Variants in SMC1B observed in about 807,000 individuals in gnomAD.
The protein encoded by SMC1B is structural maintenance of chromosomes 1B, also known as structural maintenance of chromosomes protein 1B.
Under a neutral mutation model 157.9 loss-of-function variants are expected in SMC1B, and 60 were observed. The ratio of observed to expected loss-of-function variants is 0.38; its 90% CI spans 0.31 to 0.47. SMC1B has a LOEUF of 0.47. SMC1B is among the 20% of genes least tolerant of loss of function. The pLI is 0.99. For synonymous variants in SMC1B, 445 were observed against 483.0 expected, an observed-to-expected ratio of 0.92 and a Z score of 1.03; for missense variants, 1,165 against 1,426.2, an observed-to-expected ratio of 0.82 and a Z score of 2.95.
At chr22:45,364,497 A>G (rs1426646569) in intron 15 of SMC1B, among the ~76,000 whole-genome samples, 2 of 152,340 alleles carry the variant, frequency 1.3e-5, no homozygotes, top group East Asian at 3.9e-4. Flanking sequence ...TATCATCTTT[A>G]TTTAACAGAT....
At chr22:45,372,819 T>C (rs2086847900) in intron 12 of SMC1B, among the ~76,000 whole-genome samples, 1 of 149,212 alleles carries the variant, frequency 6.7e-6, no homozygotes, top group Admixed American at 6.8e-5. Context: ...TTCACGCCAT[T>C]CTCCTGCCTC....
intron 12 of SMC1B, among the ~76,000 whole-genome samples, chr22:45,377,079 T>C (rs2146804972): frequency 6.6e-6 from 1 of 152,342 alleles, no homozygotes; most frequent in Middle Eastern, 3.4e-3. Flanking sequence ...ATTTCACTTT[T>C]TTTTGTTCAA....
At chr22:45,344,889 G>A (rs2086535326) in intron 24 of SMC1B, among the ~76,000 whole-genome samples, 1 of 152,038 alleles carries the variant, frequency 6.6e-6, no homozygotes, top group Non-Finnish European at 1.5e-5. Context: ...GGCACAGGAA[G>A]GTAAATTTTT....
At chr22:45,368,894 A>G (rs772302090) in intron 15 of SMC1B, among the ~76,000 whole-genome samples, 3 of 152,228 alleles carry the variant, frequency 2.0e-5, no homozygotes, top group Non-Finnish European at 2.9e-5. Flanking sequence ...GTCTGCTGAG[A>G]TAATTCACCT....
At chr22:45,411,831 G>C (rs987719620) in intron 1 of SMC1B, among the ~76,000 whole-genome samples, 7 of 151,710 alleles carry the variant, frequency 4.6e-5, no homozygotes, top group Non-Finnish European at 7.4e-5. Context: ...TGATCTGCCT[G>C]CCTCAGCCTC....
rs184133368 is a variant in SMC1B, at chr22:45,361,291, G to A, written c.2708+548C>T. Among the ~76,000 whole-genome samples, 4 of 152,250 alleles carry A rather than the reference G, an allele frequency of 2.6e-5. No homozygotes were observed. The East Asian group carries it at 7.7e-4, about 29-fold the overall frequency. ...GAATTAGGGTAAGGGACTCTATACA[G>A]GTTCATGTTTTCATCCAACAAAAAG... On this transcript the variant is annotated intron_variant, in intron 17 of 24. Transcript: ENST00000357450.
chr22:45,406,495 C>T lies in SMC1B; in HGVS notation c.580G>A (p.Ala194Thr). ...TCTAATTTTGCTTGTCTGCGCTCTG[C>T]CGCTATATTTTTTTTCTTATTAAAG... Reference protein sequence around the residue: ...FNFNKKKNIAAERRQAKLEKE... With the variant: ...FNFNKKKNIATERRQAKLEKE... Residue 194 changes from alanine (A) to threonine (T), a missense_variant, in exon 4 of 25, where the codon GCA becomes ACA. Ala to Thr is a moderately conservative substitution (Grantham distance 58). Coordinates refer to ENST00000357450, the MANE Select transcript of SMC1B (RefSeq NM_148674.5). 6.2e-7 allele frequency: 1 copy of T among 1,611,970 alleles called. No homozygotes were observed. Among genetic ancestry groups the T allele is most frequent in the Non-Finnish European group, 8.5e-7 (1 of 1,179,756 alleles).
At position 45,413,466 on chromosome 22, in the gene SMC1B, G is replaced by A; in HGVS notation, c.102C>T (p.Asn34=). 1.2e-6 allele frequency: 2 copies of A among 1,607,134 alleles called. No individual in the cohort carries two copies. The highest frequency in any genetic ancestry group is 8.5e-7 in the Non-Finnish European group (1 of 1,176,852). The change falls in exon 1 of 25, where the codon AAC becomes AAT. Residue 34 remains asparagine, a synonymous_variant. Transcript: ENST00000357450. ...FRRFTCIIGP[N]GSGKSNVMDA... is the part of the protein sequence containing the mutation. ...CCTGAGCTGCTCAGTTACCAGAGCC[G>A]TTGGGGCCGATGATGCAGGTGAACC...
chr22:45,362,047 T>A, intron 16 of SMC1B, 63 bp from the exon 17 acceptor site: 1 of 1,501,070 alleles, frequency 6.7e-7, no homozygotes, highest in Non-Finnish European at 9.0e-7. Context: ...TACTTCTATG[T>A]TCTTATCAAT....
intron 19 of SMC1B, among the ~76,000 whole-genome samples, chr22:45,356,396 A>G (rs542849729): frequency 1.4e-3 from 218 of 152,352 alleles, no homozygotes; most frequent in Non-Finnish European, 2.7e-3. Context: ...ATTTTAGAAC[A>G]GCATGTAAAC....
chr22:45,353,906 AAAAAAAAAAAAAAAC>A lies in SMC1B; in HGVS notation c.3273+57_3273+71del, dbSNP rs1306339201. The A allele has an allele frequency of 2.4e-4, 157 of 650,084 alleles. 1 individual carries two copies. The highest frequency in any genetic ancestry group is 2.1e-3 in the East Asian group (49 of 23,516). The allele number at this position is 650,084 out of a possible 1,614,324, so 40.3% of individuals were successfully genotyped here. Reference sequence around the variant, plus strand: ...GTTATTTCCCACCAAAAAAAAAAAAAAAAAAAAAAAAAAACAACCACCACCGGTAACACAGAATTC... The same window carrying A: ...GTTATTTCCCACCAAAAAAAAAAAAAAACCACCACCGGTAACACAGAATTC... On this transcript the variant is annotated intron_variant, in intron 21 of 24. Coordinates refer to ENST00000357450, the MANE Select transcript of SMC1B (RefSeq NM_148674.5).
intron 19 of SMC1B, 136 bp from the exon 20 acceptor site, chr22:45,355,251 G>T: frequency 1.3e-6 from 1 of 774,546 alleles, no homozygotes. Flanking sequence ...CCCTCTCTGA[G>T]CCTGGAGGTG....
chr22:45,406,370 T>A (rs2087259685), intron 4 of SMC1B, 90 bp downstream of exon 4: 19 of 1,019,002 alleles, frequency 1.9e-5, no homozygotes, highest in Non-Finnish European at 2.7e-5. Context: ...TAAATTAATC[T>A]TCTTGGTAAG....
chr22:45,350,123 G>T (rs60805486), intron 22 of SMC1B, among the ~76,000 whole-genome samples: 1 of 152,150 alleles, frequency 6.6e-6, no homozygotes, highest in Admixed American at 6.5e-5. Flanking sequence ...GATGGCTGCA[G>T]TGCCCTCAGG....
intron 4 of SMC1B, 63 bp from the exon 5 acceptor site, chr22:45,402,634 A>C (rs539847375): frequency 9.5e-7 from 1 of 1,057,166 alleles, no homozygotes; most frequent in Non-Finnish European, 1.4e-6. Flanking sequence ...CCTTTCATAA[A>C]CTCAACTACT....
chr22:45,402,479 A>T lies in SMC1B; in HGVS notation c.708T>A (p.His236Gln). ...FQLYHNEKKI[H>Q]LLNTKLEHVN... ...CATGCTCTAACTTGGTGTTCAGGAG[A>T]TGAATCTTTTTCTCATTATGGTATA... is the stretch of plus-strand genomic sequence containing the variant. Residue 236 changes from histidine (H) to glutamine (Q), a missense_variant, in exon 5 of 25, where the codon CAT (histidine) becomes CAA (glutamine). Transcript: ENST00000357450. The T allele has an allele frequency of 6.2e-7, 1 of 1,613,904 alleles. No individual in the cohort carries two copies. Among genetic ancestry groups the T allele is most frequent in the Non-Finnish European group, 8.5e-7 (1 of 1,179,926 alleles).
rs1263747141 is a variant in SMC1B, at chr22:45,358,702, A to C, written c.2956T>G (p.Leu986Val). The part of the protein sequence containing the change: ...EIDYSSLKED[L>V]KALQSDQEIE... Reference sequence around the variant, plus strand: ...AACAGAAAGCTTTCCATTACCTTCAAATCCTCTTTTAGAGAGCTGTAGTCT... The same window carrying C: ...AACAGAAAGCTTTCCATTACCTTCACATCCTCTTTTAGAGAGCTGTAGTCT... The change falls in exon 19 of 25, where the codon TTG (leucine) becomes GTG (valine). Residue 986 changes from leucine (L) to valine (V), a missense_variant. Physicochemically the swap from Leu to Val is conservative, Grantham distance 32. Transcript: ENST00000357450. 1 of 1,593,540 alleles carries C rather than the reference A, an allele frequency of 6.3e-7. No homozygotes were observed. Among genetic ancestry groups the C allele is most frequent in the South Asian group, 1.1e-5 (1 of 89,058 alleles).
intron 5 of SMC1B, among the ~76,000 whole-genome samples, chr22:45,400,393 A>G (rs1418780716): frequency 6.6e-6 from 1 of 152,230 alleles, no homozygotes; most frequent in Admixed American, 6.5e-5. Context: ...CACAGGAGCC[A>G]ACTCAAAGAG....
chr22:45,413,184 C>T (rs1211190533), intron 1 of SMC1B, among the ~76,000 whole-genome samples: 1 of 150,852 alleles, frequency 6.6e-6, no homozygotes, highest in Non-Finnish European at 1.5e-5. Flanking sequence ...GGGCCCGAGG[C>T]GGGGCCGAGT....
Sources: gnomAD v4.1 joint callset for allele counts (sites outside exome capture counted in the v4.1 genomes callset) on GRCh38, gnomAD v4.1.1 for gene constraint, MANE v1.5 for transcripts, NCBI Gene and HGNC (gene_info 2026-07-23, HGNC 2026-07-21) for gene names.